Variants in BPIFC observed in about 807,000 individuals in gnomAD.
BPIFC encodes BPI fold-containing family C protein.
A neutral mutation model predicts 57.6 loss-of-function variants in BPIFC; 60 were observed. That is an observed-to-expected ratio of 1.04 (90% CI 0.85 to 1.29). The LOEUF (loss-of-function observed/expected upper bound fraction) is 1.29, where lower values mean the gene tolerates loss of function less well. BPIFC is among the 50% of genes most tolerant of loss of function. The pLI is 0.00. For synonymous variants in BPIFC, 243 were observed against 224.5 expected (o/e 1.08, Z -0.74); for missense variants, 581 against 600.5 (o/e 0.97, Z 0.34).
intron 13 of BPIFC, among the ~76,000 whole-genome samples, chr22:32,428,174 T>C (rs1934120474): frequency 6.6e-6 from 1 of 152,170 alleles, no homozygotes; most frequent in South Asian, 2.1e-4. Flanking sequence ...TTTATAACTA[T>C]TTGATATAAA....
In BPIFC at chr22:32,448,074, CTT is replaced by C. The variant is rs752136687; in HGVS notation, c.246-736_246-735del. ...GGCCCAGCTATTTTTTTTCTTTTTT[CTT>C]TTTTTTTTTTGAGACAGAGTCTCGC... On this transcript the variant is annotated intron_variant, in intron 4 of 16. Coordinates refer to ENST00000300399, the MANE Select transcript of BPIFC (RefSeq NM_174932.3). Among the ~76,000 whole-genome samples the C allele has an allele frequency of 5.1e-4, 73 of 143,004 alleles. 1 individual carries two copies. The highest frequency in any genetic ancestry group is 1.2e-3 in the African/African-American group (48 of 38,942). The allele number at this position is 143,004 out of a possible 152,430, so 93.8% of individuals were successfully genotyped here. A position where few individuals can be genotyped will look rare whatever the true frequency, so the allele number is the denominator to read the frequency against.
intron 10 of BPIFC, among the ~76,000 whole-genome samples, chr22:32,434,391 C>A (rs1049531706): frequency 6.8e-6 from 1 of 148,120 alleles, no homozygotes; most frequent in African/African-American, 2.5e-5. Flanking sequence ...ATATATATTA[C>A]AATCTATGTG....
chr22:32,443,330 A>AT (rs370756623), intron 7 of BPIFC, among the ~76,000 whole-genome samples: 1 of 151,924 alleles, frequency 6.6e-6, no homozygotes, highest in East Asian at 1.9e-4. Context: ...TGCCCGGCTA[A>AT]TTTTTTGTAT....
Position 32,445,791 on chromosome 22 carries a change from G to C in BPIFC, c.530+50C>G, listed in dbSNP as rs774893329. ...TGTAAACCTTCCCTAGGCGATGCCT[G>C]AGTATCCAGCCCCTAACTAGCCACT... is the stretch of plus-strand genomic sequence containing the variant. On this transcript the variant is annotated intron_variant, in intron 6 of 16. Transcript: ENST00000300399. 2.5e-6 allele frequency: 4 copies of C among 1,600,112 alleles called. No homozygotes were observed. In the Admixed American group the frequency reaches 6.9e-5, roughly 28 times the overall value.
intron 4 of BPIFC, 116 bp downstream of exon 4, chr22:32,453,267 G>T: frequency 1.3e-6 from 1 of 786,828 alleles, no homozygotes; most frequent in African/African-American, 1.8e-5. Context: ...AAGGACAGCA[G>T]AACAGAAAAA....
rs1568959360 is a variant in BPIFC at position 32,453,482 on chromosome 22, A to G, written c.146T>C (p.Met49Thr). The G allele has an allele frequency of 6.2e-7, 1 of 1,602,420 alleles. No individual in the cohort carries two copies. Among genetic ancestry groups the G allele is most frequent in the Non-Finnish European group, 8.5e-7 (1 of 1,176,854 alleles). ...CTTTTCTTTTAGCATTTGCTCAATC[A>G]TCTTCATTCCAGCTTGAACACCTGT... ...LDYGVQAGMK[M>T]IEQMLKEKKL... is the part of the protein sequence containing the mutation. Residue 49 changes from methionine to threonine, a missense_variant, in exon 4 of 17, where the codon ATG becomes ACG. Transcript: ENST00000300399.
intron 6 of BPIFC, 26 bp from the exon 7 acceptor site, chr22:32,445,724 A>AAAAG (rs1934707769): frequency 6.6e-7 from 1 of 1,515,182 alleles, no homozygotes; most frequent in Non-Finnish European, 8.8e-7. Flanking sequence ...AAAAAAAAAA[A>AAAAG]AAAAAAAAAA....
chr22:32,462,234 G>A (rs1460540095), intron 1 of BPIFC, among the ~76,000 whole-genome samples: 2 of 136,714 alleles, frequency 1.5e-5, no homozygotes, highest in Non-Finnish European at 3.2e-5. Context: ...TATTTTCATA[G>A]CAATGGAATG....
At chr22:32,420,658 C>G (rs951005429) in intron 13 of BPIFC, among the ~76,000 whole-genome samples, 6 of 152,128 alleles carry the variant, frequency 3.9e-5, no homozygotes, top group African/African-American at 1.4e-4. Context: ...TGTGAAATGA[C>G]TATAGTTAAC....
rs1569447965 is a variant in BPIFC at position 32,424,653 on chromosome 22, CT to C, written c.1218-5250del. ...CTCTTCTTCTTCTTCTCTTCTTCTTCTTCTTCTTCTTCTTCTTCTTCTTCTT... is the reference window on the plus strand; with the variant it reads ...CTCTTCTTCTTCTTCTCTTCTTCTTCTCTTCTTCTTCTTCTTCTTCTTCTT... On this transcript the variant is annotated intron_variant, in intron 13 of 16. Transcript: ENST00000300399. 2.6e-3 allele frequency among the ~76,000 whole-genome samples: 158 copies of C among 61,450 alleles called. 11 individuals carry two copies. The highest frequency in any genetic ancestry group is 0.011 in the Admixed American group (61 of 5,534). 40.3% of individuals were successfully genotyped at this position (61,450 alleles called of 152,430 possible). A position where few individuals can be genotyped will look rare whatever the true frequency, so the allele number is the denominator to read the frequency against.
At chr22:32,450,209 G>A (rs1321268775) in intron 4 of BPIFC, among the ~76,000 whole-genome samples, 2 of 151,378 alleles carry the variant, frequency 1.3e-5, no homozygotes, top group Non-Finnish European at 2.9e-5. Flanking sequence ...CCTTTTCTAT[G>A]ACTAGATATG....
chr22:32,441,991 G>T (rs1371746012), intron 8 of BPIFC, among the ~76,000 whole-genome samples: 3 of 152,194 alleles, frequency 2.0e-5, no homozygotes, highest in African/African-American at 7.2e-5. Flanking sequence ...GATCTGACAG[G>T]AGGCAGAGCT....
chr22:32,459,648 G>A (rs762381784), intron 2 of BPIFC, among the ~76,000 whole-genome samples: 1 of 151,812 alleles, frequency 6.6e-6, no homozygotes, highest in Admixed American at 6.6e-5. Context: ...GGGCGACAGA[G>A]TGAGACTCCA....
At position 32,464,389 on chromosome 22, in the gene BPIFC, T is replaced by A; in HGVS notation, c.-104A>T. On this transcript the variant is annotated 5_prime_UTR_variant, in exon 1 of 17. Coordinates refer to ENST00000300399, the MANE Select transcript of BPIFC (RefSeq NM_174932.3). Reference sequence around the variant, plus strand: ...TGAGTCTTACCTCAAGCAGAGGAAGTGTCCAAAGCTGGAGAGCACCTTCGA... The same window carrying A: ...TGAGTCTTACCTCAAGCAGAGGAAGAGTCCAAAGCTGGAGAGCACCTTCGA... The A allele has an allele frequency of 2.0e-6, 2 of 985,336 alleles. No homozygotes were observed. The highest frequency in any genetic ancestry group is 2.4e-6 in the Non-Finnish European group (2 of 829,912). 61.0% of individuals were successfully genotyped at this position (985,336 alleles called of 1,614,324 possible).
chr22:32,451,400 G>C (rs1262623421), intron 4 of BPIFC, among the ~76,000 whole-genome samples: 1 of 152,172 alleles, frequency 6.6e-6, no homozygotes, highest in African/African-American at 2.4e-5. Flanking sequence ...GTAATGGGAT[G>C]GCTGGGTCAA....
intron 8 of BPIFC, among the ~76,000 whole-genome samples, chr22:32,440,050 C>A (rs1934521825): frequency 2.0e-5 from 3 of 152,186 alleles, no homozygotes; most frequent in African/African-American, 7.2e-5. Context: ...TTGGCTACTT[C>A]TTTCCTCACT....
intron 6 of BPIFC, 24 bp from the exon 7 acceptor site, chr22:32,445,722 A>AAG: frequency 6.6e-7 from 1 of 1,510,160 alleles, no homozygotes. Flanking sequence ...TGAAAAAAAA[A>AAG]AAAAAAAAAA....
chr22:32,461,789 G>A, intron 1 of BPIFC, 128 bp from the exon 2 acceptor site: 1 of 246,384 alleles, frequency 4.1e-6, no homozygotes, highest in Non-Finnish European at 6.5e-6. Flanking sequence ...AGGCCAAACT[G>A]AAAAGCAGTC....
intron 2 of BPIFC, among the ~76,000 whole-genome samples, chr22:32,458,702 C>A (rs987071215): frequency 2.0e-5 from 3 of 152,178 alleles, no homozygotes; most frequent in African/African-American, 7.2e-5. Context: ...ATGGGTTCTC[C>A]AGCACCTGGG....
Sources: gnomAD v4.1 joint callset for allele counts (sites outside exome capture counted in the v4.1 genomes callset) on GRCh38, gnomAD v4.1.1 for gene constraint, MANE v1.5 for transcripts, NCBI Gene and HGNC (gene_info 2026-07-23, HGNC 2026-07-21) for gene names.